RAB43: variants seen among roughly 807,000 people sequenced by gnomAD.
RAB43 encodes RAB43, member RAS oncogene family, also known as ras-related protein Rab-43.
In RAB43, 6 loss-of-function variants were observed where a neutral mutation model predicts 18.8. That is an observed-to-expected ratio of 0.32 (90% CI 0.17 to 0.63). RAB43 has a LOEUF of 0.63. Ranked by LOEUF, RAB43 falls within the 30% of genes least tolerant of loss-of-function variation. The pLI, the probability that RAB43 is intolerant of heterozygous loss-of-function variation, is 0.79. For synonymous variants in RAB43, 103 were observed against 124.1 expected, an observed-to-expected ratio of 0.83 and a Z score of 1.13; for missense variants, 195 against 289.1, an observed-to-expected ratio of 0.67 and a Z score of 2.36.
rs1284308660 is a variant in RAB43, at chr3:129,092,688, G to A, written c.389-1342C>T. On this transcript the variant is annotated intron_variant, in intron 2 of 2. Transcript: ENST00000315150. The stretch of plus-strand genomic sequence containing the variant: ...AAATGTTCTATAGGCCGGGCGCGGT[G>A]GCTCACGCCTGTAATCCCAGCACTT... The A allele has an allele frequency of 1.1e-5, 5 of 446,348 alleles. No homozygotes were observed. In the East Asian group the frequency reaches 1.4e-4, roughly 13 times the overall value. 27.6% of individuals were successfully genotyped at this position (446,348 alleles called of 1,614,324 possible).
Position 129,121,348 on chromosome 3 carries a change from C to T in RAB43, c.142G>A (p.Gly48Arg). Reference protein sequence around the residue: ...FKTGAFSERQGSTIGVDFTMK... With the variant: ...FKTGAFSERQRSTIGVDFTMK... ...GTGAAGTCGACGCCGATGGTGCTTC[C>T]CTGGCGCTCCGAGAAGGCGCCGGTC... The change falls in exon 1 of 3, where the codon GGA becomes AGA. Residue 48 changes from glycine (G) to arginine (R), a missense_variant. Coordinates refer to ENST00000315150, the MANE Select transcript of RAB43 (RefSeq NM_198490.3). 6.2e-7 allele frequency: 1 copy of T among 1,610,644 alleles called. No individual in the cohort carries two copies. The highest frequency in any genetic ancestry group is 8.5e-7 in the Non-Finnish European group (1 of 1,178,654).
intron 1 of RAB43, among the ~76,000 whole-genome samples, chr3:129,115,435 C>T (rs558236641): frequency 1.6e-4 from 24 of 151,766 alleles, no homozygotes; most frequent in South Asian, 1.0e-3. Flanking sequence ...GCCCAGGAGG[C>T]GGAGGTTGCA....
chr3:129,101,414 G>A (rs1056984137), intron 1 of RAB43, among the ~76,000 whole-genome samples: 5 of 152,126 alleles, frequency 3.3e-5, no homozygotes, highest in East Asian at 1.9e-4. Context: ...AGCAGGGAAC[G>A]GAGCAAAACC....
chr3:129,112,954 T>G (rs1327340448), intron 1 of RAB43, among the ~76,000 whole-genome samples: 1 of 151,916 alleles, frequency 6.6e-6, no homozygotes, highest in Non-Finnish European at 1.5e-5. Context: ...TCTTCCTATG[T>G]TGTCCAGGCT....
chr3:129,121,564 C>G lies in RAB43; in HGVS notation c.-75G>C. ...GAGCTCACGCAAGCCGCGGGCCGAG[C>G]TCCGCCCGCTCCAGCCCACGGGCCG... On this transcript the variant is annotated 5_prime_UTR_variant, in exon 1 of 3. Coordinates refer to ENST00000315150, the MANE Select transcript of RAB43 (RefSeq NM_198490.3). 7.7e-7 allele frequency: 1 copy of G among 1,293,938 alleles called. No individual in the cohort carries two copies. Among genetic ancestry groups the G allele is most frequent in the Non-Finnish European group, 1.0e-6 (1 of 960,936 alleles). The allele number at this position is 1,293,938 out of a possible 1,614,324, so 80.2% of individuals were successfully genotyped here.
At position 129,095,622 on chromosome 3, in the gene RAB43, C is replaced by T. The variant is rs1933998852; in HGVS notation, c.205-453G>A. 6.6e-6 allele frequency among the ~76,000 whole-genome samples: 1 copy of T among 152,206 alleles called. No individual in the cohort carries two copies. The highest frequency in any genetic ancestry group is 6.5e-5 in the Admixed American group (1 of 15,284). ...CCAGCTGTGTGTGAGGCTCCTCCAG[C>T]ATTAGGGTTCCCTCAGGACTCTACA... On this transcript the variant is annotated intron_variant, in intron 1 of 2. Transcript: ENST00000315150. This position sits in a 1 kb window ranked among gnomAD's most constrained non-coding sequence, Gnocchi z 4.2.
intron 1 of RAB43, among the ~76,000 whole-genome samples, chr3:129,103,314 T>C (rs1934552006): frequency 6.6e-6 from 1 of 152,200 alleles, no homozygotes; most frequent in African/African-American, 2.4e-5. Context: ...CTCAGGCCTG[T>C]CTCCACACCT....
chr3:129,111,150 G>A (rs1474671702), intron 1 of RAB43, among the ~76,000 whole-genome samples: 1 of 152,014 alleles, frequency 6.6e-6, no homozygotes, highest in Admixed American at 6.6e-5. Flanking sequence ...CCCTCCGTGT[G>A]TTCTGTTAAA....
At chr3:129,096,139 C>T (rs572507057) in intron 1 of RAB43, among the ~76,000 whole-genome samples, 12 of 152,350 alleles carry the variant, frequency 7.9e-5, no homozygotes, top group Admixed American at 7.2e-4. Context: ...CACAAACACT[C>T]GGGGTGTCTC....
At chr3:129,103,946 G>GCACA (rs71153168) in intron 1 of RAB43, among the ~76,000 whole-genome samples, 3 of 151,528 alleles carry the variant, frequency 2.0e-5, no homozygotes, top group Admixed American at 6.6e-5. Flanking sequence ...TGCCTGACAT[G>GCACA]CACACACACA....
At chr3:129,120,175 A>G (rs1010043082) in intron 1 of RAB43, among the ~76,000 whole-genome samples, 1 of 152,134 alleles carries the variant, frequency 6.6e-6, no homozygotes, top group African/African-American at 2.4e-5. Context: ...AAGACTGTTG[A>G]CTTACTTTTT....
chr3:129,097,729 AGCCATGGCAGCATC>A (rs1934149752), intron 1 of RAB43, among the ~76,000 whole-genome samples: 1 of 152,170 alleles, frequency 6.6e-6, no homozygotes, highest in Non-Finnish European at 1.5e-5. Context: ...AGCAGCTTCC[AGCCATGGCAGCATC>A]GCTGGTGGCA....
intron 1 of RAB43, among the ~76,000 whole-genome samples, chr3:129,111,145 C>A (rs371279311): frequency 1.3e-5 from 2 of 152,156 alleles, no homozygotes; most frequent in African/African-American, 4.8e-5. Flanking sequence ...TTTCTCCCTC[C>A]GTGTGTTCTG....
chr3:129,097,601 A>G (rs1934143861), intron 1 of RAB43, among the ~76,000 whole-genome samples: 1 of 152,214 alleles, frequency 6.6e-6, no homozygotes, highest in Non-Finnish European at 1.5e-5. Context: ...AGAGAGTTCA[A>G]CTGAAAAGGG....
Position 129,121,451 on chromosome 3 carries a change from C to T in RAB43, c.39G>A (p.Glu13=), listed in dbSNP as rs775436556. ...CCAGCTTGAACAGGAAATCGTACTG[C>T]TCGTCCGGGTCCCCCGGGCCTGGGC... ...GPGPGPGDPD[E]QYDFLFKLVL... is the part of the protein sequence containing the mutation. The change falls in exon 1 of 3, where the codon GAG becomes GAA. Residue 13 remains glutamate, a synonymous_variant. Coordinates refer to ENST00000315150, the MANE Select transcript of RAB43 (RefSeq NM_198490.3). The T allele has an allele frequency of 3.1e-6, 5 of 1,612,806 alleles. No individual in the cohort carries two copies. In the Admixed American group the frequency reaches 5.0e-5, roughly 16 times the overall value.
chr3:129,106,925 C>T (rs924991001), intron 1 of RAB43, among the ~76,000 whole-genome samples: 9 of 152,198 alleles, frequency 5.9e-5, no homozygotes, highest in African/African-American at 1.9e-4. Flanking sequence ...TCCACCAGCA[C>T]GTGATGAGGG....
chr3:129,097,156 C>A (rs1180596141), intron 1 of RAB43, among the ~76,000 whole-genome samples: 1 of 151,984 alleles, frequency 6.6e-6, no homozygotes, highest in East Asian at 1.9e-4. Flanking sequence ...AAGAAGCAGC[C>A]TAGGAGAGCA....
rs1383540999 is a variant in RAB43 at position 129,121,598 on chromosome 3, C to A, written c.-109G>T. On this transcript the variant is annotated 5_prime_UTR_variant, in exon 1 of 3. Coordinates refer to ENST00000315150, the MANE Select transcript of RAB43 (RefSeq NM_198490.3). ...CTCCAGCCCACGGGCCGCCTGGCTACGTGGAGCCGCCGCAACACCTGAACC... is the reference window on the plus strand; with the variant it reads ...CTCCAGCCCACGGGCCGCCTGGCTAAGTGGAGCCGCCGCAACACCTGAACC... The A allele has an allele frequency of 4.5e-6, 4 of 891,414 alleles. No individual in the cohort carries two copies. The highest frequency in any genetic ancestry group is 6.5e-6 in the Non-Finnish European group (4 of 615,844). 55.2% of individuals were successfully genotyped at this position (891,414 alleles called of 1,614,324 possible).
intron 1 of RAB43, among the ~76,000 whole-genome samples, chr3:129,110,133 G>A (rs1469044257): frequency 6.6e-6 from 1 of 151,944 alleles, no homozygotes; most frequent in Non-Finnish European, 1.5e-5. Flanking sequence ...CCAAAGTGTT[G>A]GGATTATGGT....
Sources: gnomAD v4.1 joint callset for allele counts (sites outside exome capture counted in the v4.1 genomes callset) on GRCh38, gnomAD v4.1.1 for gene constraint, Gnocchi (gnomAD v3.1) non-coding constraint, MANE v1.5 for transcripts, NCBI Gene and HGNC (gene_info 2026-07-23, HGNC 2026-07-21) for gene names.